NEGR1: variants seen among roughly 807,000 people sequenced by gnomAD.
NEGR1 encodes the protein neuronal growth regulator 1, also known as IgLON family member 4.
Under a neutral mutation model 40.9 loss-of-function variants are expected in NEGR1, and 10 were observed. That is an observed-to-expected ratio of 0.24 (90% CI 0.15 to 0.42). The LOEUF is 0.42. NEGR1 is among the 10% of genes least tolerant of loss of function. The probability of loss-of-function intolerance (pLI) is 1.00; values close to 1 mark genes in which losing one functional copy is unlikely to be tolerated. For missense variants in NEGR1, 352 were observed against 438.9 expected (o/e 0.80, Z 1.77); for synonymous variants, 185 against 166.8 (o/e 1.11, Z -0.84).
intron 2 of NEGR1, among the ~76,000 whole-genome samples, chr1:71,919,063 A>G (rs1220741778): frequency 2.0e-5 from 3 of 152,178 alleles, no homozygotes; most frequent in Non-Finnish European, 4.4e-5. Context: ...CACATTCACA[A>G]GTTGAATGAA....
chr1:71,478,493 T>C (rs1435105742), intron 6 of NEGR1, among the ~76,000 whole-genome samples: 1 of 152,040 alleles, frequency 6.6e-6, no homozygotes, highest in Non-Finnish European at 1.5e-5. Context: ...TTTGGCCTTC[T>C]TAGTGGCCGT....
intron 6 of NEGR1, chr1:71,476,936 G>T (rs931552500): frequency 1.3e-5 from 2 of 152,018 alleles, no homozygotes; most frequent in African/African-American, 4.8e-5. Flanking sequence ...CAAAACTGAA[G>T]ATGGCTTTGG....
intron 2 of NEGR1, among the ~76,000 whole-genome samples, chr1:71,815,150 A>G (rs924971561): frequency 2.6e-5 from 4 of 152,016 alleles, no homozygotes; most frequent in South Asian, 4.1e-4. Context: ...TTTCTGCCTT[A>G]ATTTCATTAT....
At chr1:72,215,262 C>A (rs1653757704) in intron 1 of NEGR1, among the ~76,000 whole-genome samples, 1 of 151,974 alleles carries the variant, frequency 6.6e-6, no homozygotes, top group Non-Finnish European at 1.5e-5. Flanking sequence ...CATAAAAATC[C>A]TAGAAGAAAA....
intron 2 of NEGR1, among the ~76,000 whole-genome samples, chr1:71,783,387 T>C (rs894568253): frequency 1.3e-5 from 2 of 152,162 alleles, no homozygotes; most frequent in African/African-American, 4.8e-5. Flanking sequence ...CATGCTTTTT[T>C]CTCTAAATTG....
chr1:71,684,988 T>C (rs1371011102), intron 4 of NEGR1, among the ~76,000 whole-genome samples: 1 of 152,232 alleles, frequency 6.6e-6, no homozygotes, highest in African/African-American at 2.4e-5. Flanking sequence ...TTTCTTCATT[T>C]TGCTTTAGGT....
intron 1 of NEGR1, among the ~76,000 whole-genome samples, chr1:72,005,185 T>A (rs535735337): frequency 2.2e-4 from 33 of 152,266 alleles, no homozygotes; most frequent in Middle Eastern, 3.4e-3. Context: ...TTATTATGTT[T>A]ATTTTTGGCT....
chr1:71,853,673 A>G (rs1659678912), intron 2 of NEGR1, among the ~76,000 whole-genome samples: 1 of 152,120 alleles, frequency 6.6e-6, no homozygotes, highest in Non-Finnish European at 1.5e-5. Context: ...TGTGCCTATG[A>G]ATTTACAGGC....
At chr1:71,997,973 G>A (rs1298757581) in intron 1 of NEGR1, among the ~76,000 whole-genome samples, 5 of 151,874 alleles carry the variant, frequency 3.3e-5, no homozygotes, top group African/African-American at 1.2e-4. Context: ...TGCATTAACA[G>A]TCATTAACAC....
intron 6 of NEGR1, among the ~76,000 whole-genome samples, chr1:71,497,656 AATG>A (rs1488845193): frequency 6.6e-6 from 1 of 151,976 alleles, no homozygotes; most frequent in Non-Finnish European, 1.5e-5. Context: ...AAATGGAAAG[AATG>A]ATGAAAAAAT....
chr1:71,726,649 T>C (rs1480451235), intron 3 of NEGR1, among the ~76,000 whole-genome samples: 3 of 152,070 alleles, frequency 2.0e-5, no homozygotes, highest in Non-Finnish European at 4.4e-5. Context: ...CTCAGAAAGA[T>C]TGAGGCTTCT....
chr1:71,628,787 G>A (rs1650876209), intron 4 of NEGR1, among the ~76,000 whole-genome samples: 1 of 152,044 alleles, frequency 6.6e-6, no homozygotes, highest in African/African-American at 2.4e-5. Context: ...GTGTATATAT[G>A]CCACATTTTC....
At chr1:71,958,951 CAA>C (rs10598895) in intron 1 of NEGR1, among the ~76,000 whole-genome samples, 35,933 of 119,194 alleles carry the variant, frequency 0.3, 4,550 homozygotes, top group Middle Eastern at 0.37. Flanking sequence ...CATCTCATCT[CAA>C]AAAAAAAAAA....
chr1:71,831,341 G>A (rs2101790544), intron 2 of NEGR1, among the ~76,000 whole-genome samples: 1 of 151,962 alleles, frequency 6.6e-6, no homozygotes, highest in East Asian at 1.9e-4. Context: ...TGCAAATAAA[G>A]GTGTTAGATT....
At chr1:71,530,091 A>G (rs1647305645) in intron 6 of NEGR1, among the ~76,000 whole-genome samples, 1 of 151,248 alleles carries the variant, frequency 6.6e-6, no homozygotes, top group South Asian at 2.1e-4. Flanking sequence ...TCTCTGCTTT[A>G]ACTCTCTGGC....
chr1:72,138,435 A>T (rs1033192962), intron 1 of NEGR1, among the ~76,000 whole-genome samples: 2 of 152,012 alleles, frequency 1.3e-5, no homozygotes, highest in African/African-American at 4.8e-5. Flanking sequence ...AAGATTGTCA[A>T]ATTTGATTTG....
At chr1:71,498,069 T>G (rs1173807654) in intron 6 of NEGR1, among the ~76,000 whole-genome samples, 1 of 151,606 alleles carries the variant, frequency 6.6e-6, no homozygotes. Flanking sequence ...TGGAACTTTT[T>G]TTTAAGTCTG....
intron 1 of NEGR1, among the ~76,000 whole-genome samples, chr1:72,019,611 C>T (rs1646740135): frequency 1.3e-5 from 2 of 152,188 alleles, no homozygotes; most frequent in South Asian, 4.1e-4. Context: ...ATAGTAAAGG[C>T]ATTTCAAAAT....
At chr1:72,190,444 GA>G (rs1422958281) in intron 1 of NEGR1, among the ~76,000 whole-genome samples, 1 of 151,508 alleles carries the variant, frequency 6.6e-6, no homozygotes, top group Non-Finnish European at 1.5e-5. Flanking sequence ...AATTAGCGAT[GA>G]ATTACATAGA....
Sources: gnomAD v4.1 joint callset for allele counts (sites outside exome capture counted in the v4.1 genomes callset) on GRCh38, gnomAD v4.1.1 for gene constraint, MANE v1.5 for transcripts, NCBI Gene and HGNC (gene_info 2026-07-23, HGNC 2026-07-21) for gene names.